The following RORB variants were observed in gnomAD, a reference collection of about 807,000 sequenced individuals.
The protein encoded by RORB is nuclear receptor ROR-beta.
RORB carries 6 observed loss-of-function variants against 59.1 expected under a neutral mutation model. That is an observed-to-expected ratio of 0.10 (90% CI 0.06 to 0.20). RORB has a LOEUF of 0.20. Among genes scored for constraint, RORB ranks in the 10% least tolerant of loss-of-function variants. RORB has a pLI of 1.00. For synonymous variants in RORB, 215 were observed against 204.5 expected, an observed-to-expected ratio of 1.05 and a Z score of -0.44; for missense variants, 320 against 560.5, an observed-to-expected ratio of 0.57 and a Z score of 4.33.
chr9:74,653,038 G>A (rs1563964957), intron 4 of RORB, among the ~76,000 whole-genome samples: 1 of 152,148 alleles, frequency 6.6e-6, no homozygotes, highest in Non-Finnish European at 1.5e-5. Flanking sequence ...AAATGACATT[G>A]TCTTTTCTGA....
chr9:74,570,580 A>G (rs1029602342), intron 1 of RORB, among the ~76,000 whole-genome samples: 14 of 152,196 alleles, frequency 9.2e-5, no homozygotes, highest in Non-Finnish European at 1.8e-4. Flanking sequence ...GAGTATTTAT[A>G]TAACACATAA....
chr9:74,597,511 A>G (rs1056724927), intron 1 of RORB, among the ~76,000 whole-genome samples: 2 of 152,260 alleles, frequency 1.3e-5, no homozygotes, highest in Admixed American at 6.5e-5. Context: ...TAACTATATC[A>G]TTTTGGCAGA....
chr9:74,662,446 T>C (rs374116011), intron 5 of RORB, 28 bp from the exon 6 acceptor site: 42 of 1,612,702 alleles, frequency 2.6e-5, no homozygotes, highest in Admixed American at 3.3e-5. Flanking sequence ...GTTTGCCCTA[T>C]TTACATTCTG....
At chr9:74,537,159 T>C (rs1013757290) in intron 1 of RORB, among the ~76,000 whole-genome samples, 1 of 152,018 alleles carries the variant, frequency 6.6e-6, no homozygotes, top group African/African-American at 2.4e-5. Flanking sequence ...TTAATGTAGT[T>C]TTCTAGAATG....
rs549870136 is a variant in RORB at position 74,688,076 on chromosome 9, G to T, written c.*2458G>T. The stretch of plus-strand genomic sequence containing the variant: ...AATTTTTTCCTCCCTTTTCCCATGG[G>T]TGATATAGGAAAAAGATTGTTCCCC... On this transcript the variant is annotated 3_prime_UTR_variant, in exon 10 of 10. Transcript: ENST00000376896. 6.6e-6 allele frequency: 1 copy of T among 152,134 alleles called. No homozygotes were observed. The highest frequency in any genetic ancestry group is 1.9e-4 in the East Asian group (1 of 5,188). 9.4% of individuals were successfully genotyped at this position (152,134 alleles called of 1,614,324 possible).
chr9:74,620,067 A>G (rs1372577112), intron 1 of RORB, among the ~76,000 whole-genome samples: 1 of 152,198 alleles, frequency 6.6e-6, no homozygotes, highest in Non-Finnish European at 1.5e-5. Flanking sequence ...AAAATGAGTT[A>G]GGGAGGATTT....
chr9:74,578,153 C>T (rs1822665608), intron 1 of RORB, among the ~76,000 whole-genome samples: 1 of 151,988 alleles, frequency 6.6e-6, no homozygotes, highest in Non-Finnish European at 1.5e-5. Context: ...TTTCACTATG[C>T]TTGCTGTTTT....
At chr9:74,570,179 CA>C (rs1287455821) in intron 1 of RORB, among the ~76,000 whole-genome samples, 1 of 152,054 alleles carries the variant, frequency 6.6e-6, no homozygotes, top group African/African-American at 2.4e-5. Context: ...TTTCCATAAG[CA>C]TTCTTCAAAT....
At chr9:74,575,870 T>C (rs1822627308) in intron 1 of RORB, among the ~76,000 whole-genome samples, 1 of 152,108 alleles carries the variant, frequency 6.6e-6, no homozygotes, top group South Asian at 2.1e-4. Context: ...AATGAGATAA[T>C]GCATGTAAAA....
At chr9:74,611,480 C>T (rs999843291) in intron 1 of RORB, among the ~76,000 whole-genome samples, 2 of 152,176 alleles carry the variant, frequency 1.3e-5, no homozygotes, top group African/African-American at 4.8e-5. Context: ...CCCCACTAAA[C>T]ATCAGCAAGC....
At chr9:74,632,492 C>T (rs1823636039) in intron 2 of RORB, among the ~76,000 whole-genome samples, 1 of 152,150 alleles carries the variant, frequency 6.6e-6, no homozygotes, top group Non-Finnish European at 1.5e-5. Flanking sequence ...ACATAAACAA[C>T]CCATTCTAAA....
In RORB at chr9:74,545,330, A is replaced by T. The variant is rs1053877681; in HGVS notation, c.7+47347A>T. On this transcript the variant is annotated intron_variant, in intron 1 of 9. Transcript: ENST00000376896. The stretch of plus-strand genomic sequence containing the variant: ...CACGTTGGTAGTTCTAGTTGGAGTA[A>T]GATTGCGGTGCCTTTTTGTATCCAT... 3.3e-5 allele frequency among the ~76,000 whole-genome samples: 5 copies of T among 152,258 alleles called. No homozygotes were observed. In the East Asian group the frequency reaches 9.7e-4, roughly 29 times the overall value.
intron 3 of RORB, among the ~76,000 whole-genome samples, chr9:74,638,991 C>CTTTT (rs1277223726): frequency 6.6e-6 from 1 of 152,168 alleles, no homozygotes; most frequent in Non-Finnish European, 1.5e-5. Context: ...AAATGCAGAG[C>CTTTT]TTTTCTTTGT....
intron 4 of RORB, among the ~76,000 whole-genome samples, chr9:74,649,001 T>G (rs1271359790): frequency 6.6e-6 from 1 of 151,740 alleles, no homozygotes; most frequent in Non-Finnish European, 1.5e-5. Context: ...AGTCTGCCTG[T>G]CACCCAGGCT....
intron 1 of RORB, among the ~76,000 whole-genome samples, chr9:74,628,097 C>T (rs2118408360): frequency 6.6e-6 from 1 of 152,264 alleles, no homozygotes. Flanking sequence ...GATATTTTAT[C>T]TTGGCCGTGG....
intron 1 of RORB, among the ~76,000 whole-genome samples, chr9:74,554,393 A>G (rs1826659773): frequency 6.6e-6 from 1 of 152,114 alleles, no homozygotes; most frequent in Non-Finnish European, 1.5e-5. Context: ...TCAGGGAAAG[A>G]TATGCTTCAC....
rs1333241182 is a variant in RORB, at chr9:74,686,968, A to T, written c.*1350A>T. On this transcript the variant is annotated 3_prime_UTR_variant, in exon 10 of 10. Transcript: ENST00000376896. ...AAGTTTACAGTTACATCATCCATTT[A>T]CCCTAGAATTATTTTTTTAGCAACT... The T allele has an allele frequency of 6.6e-6, 1 of 152,134 alleles. No homozygotes were observed. Among genetic ancestry groups the T allele is most frequent in the African/African-American group, 2.4e-5 (1 of 41,438 alleles). The allele number at this position is 152,134 out of a possible 1,614,324, so 9.4% of individuals were successfully genotyped here.
intron 1 of RORB, among the ~76,000 whole-genome samples, chr9:74,503,879 AC>A (rs756990178): frequency 2.0e-5 from 3 of 152,030 alleles, no homozygotes; most frequent in Non-Finnish European, 2.9e-5. Context: ...TGCCCTTTCA[AC>A]CCCTGACCCC....
intron 1 of RORB, among the ~76,000 whole-genome samples, chr9:74,501,678 A>T (rs997335931): frequency 1.3e-5 from 2 of 152,226 alleles, no homozygotes; most frequent in Non-Finnish European, 2.9e-5. Flanking sequence ...AAATGGTTAC[A>T]TCTAGCGACT....
Sources: allele counts gnomAD v4.1 joint callset (sites outside exome capture counted in the v4.1 genomes callset), GRCh38; gene constraint gnomAD v4.1.1; transcripts MANE v1.5; gene names NCBI Gene and HGNC (gene_info 2026-07-23, HGNC 2026-07-21).